ABHD18: variants seen among roughly 807,000 people sequenced by gnomAD.
ABHD18 encodes the protein abhydrolase domain containing 18.
In ABHD18, 55 loss-of-function variants were observed where a neutral mutation model predicts 65.9. That is an observed-to-expected ratio of 0.84 (90% CI 0.67 to 1.05). The LOEUF (loss-of-function observed/expected upper bound fraction) is 1.05. Among genes scored for constraint, ABHD18 ranks in the 50% least tolerant of loss-of-function variants. The probability of loss-of-function intolerance (pLI) is 0.00; values close to 1 mark genes in which losing one functional copy is unlikely to be tolerated. For missense variants in ABHD18, 533 were observed against 558.5 expected (o/e 0.95, Z 0.46); for synonymous variants, 181 against 180.2 (o/e 1.00, Z -0.04).
intron 1 of ABHD18, among the ~76,000 whole-genome samples, chr4:127,978,869 A>G (rs1560827022): frequency 6.6e-6 from 1 of 152,196 alleles, no homozygotes; most frequent in Non-Finnish European, 1.5e-5. Context: ...TGTTAAGTTG[A>G]AAATGCACTT....
At position 128,014,364 on chromosome 4, in the gene ABHD18, G is replaced by A. The variant is rs1362577551; in HGVS notation, c.470+2664G>A. 5.3e-5 allele frequency among the ~76,000 whole-genome samples: 8 copies of A among 152,250 alleles called. No homozygotes were observed. The East Asian group carries it at 1.5e-3, about 29-fold the overall frequency. On this transcript the variant is annotated intron_variant, in intron 7 of 12. Coordinates refer to ENST00000645843, the MANE Select transcript of ABHD18 (RefSeq NM_001358451.3). ...ACCTTATCCATAAATTGGTTAAAAA[G>A]CAAGAAGAGTTTATTTAGGTCTAGT...
chr4:128,008,988 C>T lies in ABHD18; in HGVS notation c.347C>T (p.Thr116Ile). 6.2e-7 allele frequency: 1 copy of T among 1,610,168 alleles called. No homozygotes were observed. The highest frequency in any genetic ancestry group is 8.5e-7 in the Non-Finnish European group (1 of 1,178,628). ...CCTGTATGCATTCATCTTGCTGGAA[C>T]AGGAGATCATGTAAGACTTTATTAT... Reference protein sequence around the residue: ...YRPVCIHLAGTGDHHYWRRRT... With the variant: ...YRPVCIHLAGIGDHHYWRRRT... The change falls in exon 5 of 13, where the codon ACA becomes ATA. Residue 116 changes from threonine to isoleucine, a missense_variant. Physicochemically the swap from Thr to Ile is moderately conservative, Grantham distance 89. Coordinates refer to ENST00000645843, the MANE Select transcript of ABHD18 (RefSeq NM_001358451.3).
At chr4:127,992,491 G>T (rs1305667908) in intron 4 of ABHD18, among the ~76,000 whole-genome samples, 1 of 151,884 alleles carries the variant, frequency 6.6e-6, no homozygotes, top group Non-Finnish European at 1.5e-5. Context: ...AAAAAGGAAT[G>T]AAAATAGTGT....
chr4:128,013,242 CA>C (rs1399642296), intron 7 of ABHD18, among the ~76,000 whole-genome samples: 3 of 151,940 alleles, frequency 2.0e-5, no homozygotes, highest in Non-Finnish European at 4.4e-5. Flanking sequence ...ACAAGAGTAG[CA>C]GCAGAGAAAA....
At chr4:127,976,294 G>T (rs923797716) in intron 1 of ABHD18, among the ~76,000 whole-genome samples, 4 of 152,016 alleles carry the variant, frequency 2.6e-5, no homozygotes, top group African/African-American at 9.7e-5. Flanking sequence ...TTTTACAGGT[G>T]AACATTTGTA....
At chr4:128,007,328 T>TAAAAAA (rs750294558) in intron 4 of ABHD18, among the ~76,000 whole-genome samples, 1 of 58,832 alleles carries the variant, frequency 1.7e-5, no homozygotes. Context: ...ACCTTGTCTC[T>TAAAAAA]AAAAAAAAAA....
chr4:128,021,352 A>AT (rs968226970), intron 10 of ABHD18, 114 bp downstream of exon 10: 3 of 634,772 alleles, frequency 4.7e-6, no homozygotes, highest in Non-Finnish European at 7.9e-6. Context: ...TGTACATACT[A>AT]TTTTTTACTT....
chr4:127,978,352 A>G (rs942929913), intron 1 of ABHD18, among the ~76,000 whole-genome samples: 2 of 152,106 alleles, frequency 1.3e-5, no homozygotes, highest in African/African-American at 4.8e-5. Context: ...TCCATTTTAC[A>G]ATGACCGCCA....
chr4:127,989,880 T>C (rs1750635868), intron 4 of ABHD18, 59 bp downstream of exon 4: 2 of 1,038,932 alleles, frequency 1.9e-6, no homozygotes, highest in Admixed American at 5.4e-5. Flanking sequence ...AAAATTATAA[T>C]ATCAACACTA....
chr4:128,012,995 G>A (rs1754828138), intron 7 of ABHD18, among the ~76,000 whole-genome samples: 2 of 150,380 alleles, frequency 1.3e-5, no homozygotes, highest in South Asian at 4.3e-4. Flanking sequence ...GAACCTAGGA[G>A]GCGGACGTTG....
At position 128,037,053 on chromosome 4, in the gene ABHD18, A is replaced by C. The variant is rs1265822734; in HGVS notation, c.*1240A>C. 7.5e-6 allele frequency: 1 copy of C among 132,792 alleles called. No homozygotes were observed. Among genetic ancestry groups the C allele is most frequent in the Admixed American group, 8.7e-5 (1 of 11,504 alleles). 8.2% of individuals were successfully genotyped at this position (132,792 alleles called of 1,614,324 possible). A position where few individuals can be genotyped will look rare whatever the true frequency, so the allele number is the denominator to read the frequency against. ...AGAATTGGTTGAACCAAGGAGGCGGAGGTTGCACTGAGCTGAGATTGCGCC... is the reference window on the plus strand; with the variant it reads ...AGAATTGGTTGAACCAAGGAGGCGGCGGTTGCACTGAGCTGAGATTGCGCC... On this transcript the variant is annotated 3_prime_UTR_variant, in exon 13 of 13. Coordinates refer to ENST00000645843, the MANE Select transcript of ABHD18 (RefSeq NM_001358451.3).
intron 4 of ABHD18, among the ~76,000 whole-genome samples, chr4:128,002,746 T>G (rs913859926): frequency 2.0e-5 from 3 of 151,888 alleles, no homozygotes; most frequent in African/African-American, 7.3e-5. Flanking sequence ...TGAGTTCAAG[T>G]GATTCTTCTG....
chr4:128,033,527 T>TC (rs1484125040), intron 12 of ABHD18, among the ~76,000 whole-genome samples: 1 of 142,684 alleles, frequency 7.0e-6, no homozygotes, highest in Admixed American at 7.1e-5. Flanking sequence ...AGATAGTCTT[T>TC]TTTTTTTTTT....
chr4:127,982,786 T>C (rs1749281445), intron 1 of ABHD18, among the ~76,000 whole-genome samples, 153 bp from the exon 2 acceptor site: 1 of 152,198 alleles, frequency 6.6e-6, no homozygotes, highest in Admixed American at 6.5e-5. Flanking sequence ...CTCAGCTCTT[T>C]TTTTTCCCCC....
intron 8 of ABHD18, among the ~76,000 whole-genome samples, chr4:128,018,976 T>C (rs1355938988): frequency 7.0e-6 from 1 of 142,388 alleles, no homozygotes; most frequent in Non-Finnish European, 1.5e-5. Context: ...ATCGCACCAC[T>C]GCACTCTAGC....
intron 12 of ABHD18, among the ~76,000 whole-genome samples, chr4:128,034,161 G>A (rs1758604948): frequency 6.6e-6 from 1 of 151,774 alleles, no homozygotes; most frequent in Non-Finnish European, 1.5e-5. Flanking sequence ...GTTTCACCAT[G>A]TTGGCCAGGC....
chr4:127,993,856 C>CTGAT (rs148727666), intron 4 of ABHD18, among the ~76,000 whole-genome samples: 12,153 of 152,134 alleles, frequency 0.08, 958 homozygotes, highest in East Asian at 0.26. Flanking sequence ...ACCTGCTTCT[C>CTGAT]TATTTTTGTG....
At chr4:128,027,222 C>T (rs892616212) in intron 10 of ABHD18, among the ~76,000 whole-genome samples, 1 of 152,078 alleles carries the variant, frequency 6.6e-6, no homozygotes, top group Non-Finnish European at 1.5e-5. Flanking sequence ...GGTGTGTAGT[C>T]AGCTATACCG....
intron 1 of ABHD18, among the ~76,000 whole-genome samples, chr4:127,966,692 AC>A (rs1745506398): frequency 9.3e-6 from 1 of 108,104 alleles, no homozygotes; most frequent in South Asian, 3.7e-4. Context: ...CCCCGTCTCT[AC>A]TAAAAATACA....
Sources: allele counts gnomAD v4.1 joint callset (sites outside exome capture counted in the v4.1 genomes callset), GRCh38; gene constraint gnomAD v4.1.1; transcripts MANE v1.5; gene names NCBI Gene and HGNC (gene_info 2026-07-23, HGNC 2026-07-21).